FRK: variants seen among roughly 807,000 people sequenced by gnomAD.
The protein encoded by FRK is tyrosine-protein kinase FRK.
In FRK, 51 loss-of-function variants were observed where a neutral mutation model predicts 56.4. That is an observed-to-expected ratio of 0.90 (90% CI 0.72 to 1.14). FRK has a LOEUF of 1.14. Ranked by LOEUF, FRK falls within the 50% of genes most tolerant of loss-of-function variation. The probability of loss-of-function intolerance (pLI) is 0.00; values close to 1 mark genes in which losing one functional copy is unlikely to be tolerated. For missense variants in FRK, 570 were observed against 601.4 expected, an observed-to-expected ratio of 0.95 and a Z score of 0.55; for synonymous variants, 245 against 217.9, an observed-to-expected ratio of 1.12 and a Z score of -1.10.
In FRK at chr6:115,956,594, AT is replaced by A; in HGVS notation, c.815del (p.Asn272MetfsTer4). The part of the protein sequence containing the change: ...KTLKPGSMDP[N>X]DFLREAQIMK... Reference sequence around the variant, plus strand: ...TTATCTGTGCCTCCCTCAGGAAGTCATTTGGATCCATTGAACCTGAAACAAG... The same window carrying A: ...TTATCTGTGCCTCCCTCAGGAAGTCATTGGATCCATTGAACCTGAAACAAG... On this transcript the variant is annotated frameshift_variant, in exon 5 of 8. Coordinates refer to ENST00000606080, the MANE Select transcript of FRK (RefSeq NM_002031.3). LOFTEE classifies it high-confidence loss of function. The A allele has an allele frequency of 6.4e-7, 1 of 1,564,692 alleles. No individual in the cohort carries two copies. Among genetic ancestry groups the A allele is most frequent in the Non-Finnish European group, 8.6e-7 (1 of 1,156,760 alleles).
At chr6:116,041,626 ACC>A (rs1776716930) in intron 1 of FRK, among the ~76,000 whole-genome samples, 1 of 152,122 alleles carries the variant, frequency 6.6e-6, no homozygotes, top group Non-Finnish European at 1.5e-5. Context: ...GCGTCGCCTC[ACC>A]CAGGAAGCTC....
chr6:116,030,164 T>C (rs57302722), intron 1 of FRK, among the ~76,000 whole-genome samples: 3,155 of 152,122 alleles, frequency 0.021, 102 homozygotes, highest in African/African-American at 0.066. Flanking sequence ...GAGTTTGAGA[T>C]TATAATGAGC....
At chr6:116,097,185 C>T in the FRK span, among the ~76,000 whole-genome samples, 1 of 152,020 alleles carries the variant, frequency 6.6e-6, no homozygotes, top group Non-Finnish European at 1.5e-5. Context: ...CATCTAAAGG[C>T]CTCAGCATAA....
At chr6:115,983,663 T>G (rs1774288332) in intron 2 of FRK, among the ~76,000 whole-genome samples, 1 of 152,122 alleles carries the variant, frequency 6.6e-6, no homozygotes, top group African/African-American at 2.4e-5. Flanking sequence ...AAAGCTGGAT[T>G]CCTCTCTTCC....
upstream of FRK, among the ~76,000 whole-genome samples, chr6:116,064,120 T>C (rs1392893812): frequency 6.6e-6 from 1 of 152,254 alleles, no homozygotes; most frequent in Non-Finnish European, 1.5e-5. Context: ...TCATCACTCC[T>C]GCACACAGGT....
At chr6:116,077,659 T>A in the FRK span, among the ~76,000 whole-genome samples, 2 of 152,230 alleles carry the variant, frequency 1.3e-5, no homozygotes, top group Non-Finnish European at 2.9e-5. Context: ...GAATATTTCC[T>A]AAATTCCAGG....
chr6:116,071,977 T>G, the FRK span, among the ~76,000 whole-genome samples: 1 of 152,144 alleles, frequency 6.6e-6, no homozygotes, highest in African/African-American at 2.4e-5. Context: ...AACACATAAT[T>G]GTTGAACATC....
At position 115,958,696 on chromosome 6, in the gene FRK, GAAA is replaced by G. The variant is rs58251807; in HGVS notation, c.800-2089_800-2087del. ...AGAAAGAAAGAAAGAAAGAAAGAAAGAAAGAAAGAAGAAAGAAAGAAAGAAAGA... is the reference window on the plus strand; with the variant it reads ...AGAAAGAAAGAAAGAAAGAAAGAAAGGAAAGAAGAAAGAAAGAAAGAAAGA... On this transcript the variant is annotated intron_variant, in intron 4 of 7. Transcript: ENST00000606080. Among the ~76,000 whole-genome samples the G allele has an allele frequency of 2.7e-3, 21 of 7,874 alleles. 1 individual carries two copies. The highest frequency in any genetic ancestry group is 6.3e-3 in the South Asian group (1 of 158). 5.2% of individuals were successfully genotyped at this position (7,874 alleles called of 152,430 possible).
chr6:116,010,534 C>T (rs1038986897), intron 1 of FRK, among the ~76,000 whole-genome samples: 12 of 151,980 alleles, frequency 7.9e-5, no homozygotes, highest in Non-Finnish European at 1.6e-4. Flanking sequence ...GAATGAGCAG[C>T]GAAACAGATG....
At chr6:115,950,038 G>A (rs141383869) in intron 5 of FRK, among the ~76,000 whole-genome samples, 3 of 152,054 alleles carry the variant, frequency 2.0e-5, no homozygotes, top group Non-Finnish European at 2.9e-5. Context: ...AACTCAAGAC[G>A]GATTAAAGAT....
At chr6:115,985,378 C>T (rs981646340) in intron 2 of FRK, among the ~76,000 whole-genome samples, 1 of 152,062 alleles carries the variant, frequency 6.6e-6, no homozygotes, top group Non-Finnish European at 1.5e-5. Context: ...ACTGCAACTA[C>T]AATTTTTAGT....
At position 115,940,153 on chromosome 6, in the gene FRK, C is replaced by G. The variant is rs1261303343; in HGVS notation, c.*2261G>C. The G allele has an allele frequency of 6.6e-6, 1 of 152,170 alleles. No homozygotes were observed. Among genetic ancestry groups the G allele is most frequent in the Non-Finnish European group, 1.5e-5 (1 of 68,044 alleles). The allele number at this position is 152,170 out of a possible 1,614,324, so 9.4% of individuals were successfully genotyped here. A position where few individuals can be genotyped will look rare whatever the true frequency, so the allele number is the denominator to read the frequency against. On this transcript the variant is annotated 3_prime_UTR_variant, in exon 8 of 8. Transcript: ENST00000606080. ...AGATATCTAGACCAACAGAACAGAA[C>G]AGAGGCCTCAGAAATAACACCACAC...
intron 3 of FRK, 134 bp from the exon 4 acceptor site, chr6:115,967,853 A>C: frequency 1.5e-6 from 1 of 654,644 alleles, no homozygotes; most frequent in Non-Finnish European, 2.4e-6. Context: ...TATTATAATT[A>C]CTTCAAAAAC....
At chr6:116,034,377 T>C (rs769455224) in intron 1 of FRK, among the ~76,000 whole-genome samples, 5 of 152,158 alleles carry the variant, frequency 3.3e-5, no homozygotes, top group Non-Finnish European at 5.9e-5. Context: ...ATATGTATAA[T>C]TATTATGTAT....
At chr6:116,088,615 A>G in the FRK span, among the ~76,000 whole-genome samples, 1 of 152,350 alleles carries the variant, frequency 6.6e-6, no homozygotes, top group Middle Eastern at 3.4e-3. Context: ...CCTTGCTAAC[A>G]TCCCTGGTTC....
At chr6:116,038,832 G>T in intron 1 of FRK, 1 of 520,156 alleles carries the variant, frequency 1.9e-6, no homozygotes, top group Non-Finnish European at 3.9e-6. Context: ...GAGCTCATCC[G>T]CACTCTGAAG....
At chr6:116,053,716 A>G (rs1464219464) in intron 1 of FRK, among the ~76,000 whole-genome samples, 1 of 152,128 alleles carries the variant, frequency 6.6e-6, no homozygotes, top group Non-Finnish European at 1.5e-5. Context: ...ATTGTTAGTA[A>G]TTTGTAGAAA....
chr6:115,999,916 T>A (rs920056805), intron 2 of FRK, among the ~76,000 whole-genome samples: 2 of 152,226 alleles, frequency 1.3e-5, no homozygotes, highest in Non-Finnish European at 2.9e-5. Context: ...AGTGAATACA[T>A]AGCAATCAGA....
chr6:115,959,824 G>T (rs1773252569), intron 4 of FRK, among the ~76,000 whole-genome samples: 1 of 152,158 alleles, frequency 6.6e-6, no homozygotes, highest in Non-Finnish European at 1.5e-5. Flanking sequence ...GTCACAGAGG[G>T]CAGAGCCAGG....
Sources: allele counts gnomAD v4.1 joint callset (sites outside exome capture counted in the v4.1 genomes callset), GRCh38; gene constraint gnomAD v4.1.1; transcripts MANE v1.5; gene names NCBI Gene and HGNC (gene_info 2026-07-23, HGNC 2026-07-21).